The following SPATA6 variants were observed in gnomAD, a reference collection of about 807,000 sequenced individuals.
The protein encoded by SPATA6 is spermatogenesis associated 6, also known as spermatogenesis-associated protein 6.
SPATA6 carries 56 observed loss-of-function variants against 65.3 expected under a neutral mutation model. The ratio of observed to expected loss-of-function variants is 0.86; its 90% CI spans 0.69 to 1.07. The LOEUF (loss-of-function observed/expected upper bound fraction) is 1.07. SPATA6 is among the 50% of genes least tolerant of loss of function. The probability of loss-of-function intolerance (pLI) is 0.00; values close to 1 mark genes in which losing one functional copy is unlikely to be tolerated. For synonymous variants in SPATA6, 199 were observed against 213.2 expected, an observed-to-expected ratio of 0.93 and a Z score of 0.58; for missense variants, 590 against 594.8, an observed-to-expected ratio of 0.99 and a Z score of 0.08.
At position 48,472,185 on chromosome 1, in the gene SPATA6, G is replaced by A. The variant is rs1430048679; in HGVS notation, c.-177C>T. 1.8e-6 allele frequency: 1 copy of A among 544,206 alleles called. No individual in the cohort carries two copies. Among genetic ancestry groups the A allele is most frequent in the East Asian group, 3.5e-5 (1 of 28,806 alleles). The allele number at this position is 544,206 out of a possible 1,614,324, so 33.7% of individuals were successfully genotyped here. ...TCCGCCGGAGAAGCAGCTGAGCGCG[G>A]GGCGCAGACTCGTTGTCATGGCAGC... is the stretch of plus-strand genomic sequence containing the variant. On this transcript the variant is annotated 5_prime_UTR_variant, in exon 1 of 13. Transcript: ENST00000371847.
chr1:48,321,762 T>C (rs1313236218), intron 11 of SPATA6, among the ~76,000 whole-genome samples: 1 of 152,170 alleles, frequency 6.6e-6, no homozygotes, highest in African/African-American at 2.4e-5. Context: ...GTGAATCATA[T>C]GTCAGGCCCC....
chr1:48,386,815 C>G (rs2147872172), intron 8 of SPATA6, among the ~76,000 whole-genome samples: 1 of 152,310 alleles, frequency 6.6e-6, no homozygotes, highest in South Asian at 2.1e-4. Context: ...TTCCCTGACA[C>G]TTAAGTAGCT....
At chr1:48,428,309 C>T (rs1375413731) in intron 3 of SPATA6, among the ~76,000 whole-genome samples, 3 of 152,146 alleles carry the variant, frequency 2.0e-5, no homozygotes, top group Non-Finnish European at 4.4e-5. Flanking sequence ...ACAAAAATAG[C>T]TGGGCGTGGT....
At chr1:48,351,445 T>C (rs1646511959) in intron 11 of SPATA6, among the ~76,000 whole-genome samples, 1 of 152,066 alleles carries the variant, frequency 6.6e-6, no homozygotes, top group South Asian at 2.1e-4. Context: ...ATGTTAGCTA[T>C]AGGTTTTCAA....
rs1647072643 is a variant in SPATA6, at chr1:48,367,713, T to C, written c.910-7943A>G. On this transcript the variant is annotated intron_variant, in intron 9 of 12. Transcript: ENST00000371847. ...GTCTCTGCACATGAGATGGGTCTCC[T>C]GAGTACAGCACACTGATGGGTCTTG... 5.9e-5 allele frequency among the ~76,000 whole-genome samples: 9 copies of C among 152,322 alleles called. 1 individual carries two copies. The South Asian group carries it at 1.9e-3, about 32-fold the overall frequency.
chr1:48,415,979 G>T (rs1432046792), intron 3 of SPATA6, among the ~76,000 whole-genome samples: 2 of 152,124 alleles, frequency 1.3e-5, no homozygotes, highest in Non-Finnish European at 2.9e-5. Context: ...GAGGAGCGTG[G>T]ATTGCTTGAG....
intron 11 of SPATA6, among the ~76,000 whole-genome samples, chr1:48,339,589 G>A (rs748343925): frequency 1.4e-4 from 22 of 151,900 alleles, no homozygotes; most frequent in Non-Finnish European, 2.9e-4. Context: ...ATGAATCAAG[G>A]AGACATTTTA....
Position 48,400,709 on chromosome 1 carries a change from T to G in SPATA6, c.487-1065A>C, listed in dbSNP as rs1435812193. On this transcript the variant is annotated intron_variant, in intron 6 of 12. Coordinates refer to ENST00000371847, the MANE Select transcript of SPATA6 (RefSeq NM_019073.4). ...TTAAGTGGATACACAGAAAAGAAAATTAATTTTCCTAATTGGAAAAGTGAG... is the reference window on the plus strand; with the variant it reads ...TTAAGTGGATACACAGAAAAGAAAAGTAATTTTCCTAATTGGAAAAGTGAG... 5 of 1,144,946 alleles carry G rather than the reference T, an allele frequency of 4.4e-6. No homozygotes were observed. In the Admixed American group the frequency reaches 1.1e-4, roughly 26 times the overall value. The allele number at this position is 1,144,946 out of a possible 1,614,324, so 70.9% of individuals were successfully genotyped here.
chr1:48,376,832 C>A (rs1647973034), intron 9 of SPATA6, among the ~76,000 whole-genome samples: 1 of 152,102 alleles, frequency 6.6e-6, no homozygotes, highest in South Asian at 2.1e-4. Context: ...ACCTGTACAA[C>A]TTGTTACTGT....
intron 8 of SPATA6, among the ~76,000 whole-genome samples, chr1:48,388,646 C>CA (rs1164864918): frequency 2.2e-4 from 32 of 147,574 alleles, no homozygotes; most frequent in Admixed American, 1.2e-3. Flanking sequence ...ATATATATCA[C>CA]AAAAAAAAGA....
chr1:48,359,674 C>T lies in SPATA6; in HGVS notation c.1006G>A (p.Ala336Thr), dbSNP rs764624991. 2 of 1,613,804 alleles carry T rather than the reference C, an allele frequency of 1.2e-6. No individual in the cohort carries two copies. Among genetic ancestry groups the T allele is most frequent in the South Asian group, 2.2e-5 (2 of 91,066 alleles). The change falls in exon 10 of 13, where the codon GCG (alanine) becomes ACG (threonine). Residue 336 changes from alanine to threonine, a missense_variant. Ala to Thr is a moderately conservative substitution (Grantham distance 58). Transcript: ENST00000371847. ...PRSCSKPRHS[A>T]RTLLVHSAPS... Reference sequence around the variant, plus strand: ...GCTGAATGGACTAGCAAGGTCCTCGCTGAATGCCGGGGCTTACTACACGAC... The same window carrying T: ...GCTGAATGGACTAGCAAGGTCCTCGTTGAATGCCGGGGCTTACTACACGAC...
chr1:48,464,186 C>A (rs1657646258), intron 1 of SPATA6, among the ~76,000 whole-genome samples: 1 of 151,808 alleles, frequency 6.6e-6, no homozygotes, highest in Admixed American at 6.6e-5. Context: ...AGGATTTGGT[C>A]TAATGATGGT....
chr1:48,327,248 C>CTCAACA (rs1645790528), intron 11 of SPATA6, among the ~76,000 whole-genome samples: 2 of 152,090 alleles, frequency 1.3e-5, no homozygotes, highest in Admixed American at 6.5e-5. Flanking sequence ...CAAAAAAATG[C>CTCAACA]TCAACATCAC....
chr1:48,439,081 T>C (rs1239441433), intron 3 of SPATA6, among the ~76,000 whole-genome samples: 1 of 152,124 alleles, frequency 6.6e-6, no homozygotes, highest in Admixed American at 6.5e-5. Flanking sequence ...CTCCACTTCA[T>C]TTTTGGGGCA....
At chr1:48,322,012 G>A (rs1160583520) in intron 11 of SPATA6, among the ~76,000 whole-genome samples, 1 of 151,980 alleles carries the variant, frequency 6.6e-6, no homozygotes, top group African/African-American at 2.4e-5. Flanking sequence ...AGCAAAAGCA[G>A]TACTAAGAGG....
At chr1:48,445,529 AGG>A (rs1655949126) in intron 3 of SPATA6, among the ~76,000 whole-genome samples, 3 of 151,710 alleles carry the variant, frequency 2.0e-5, no homozygotes, top group Admixed American at 2.0e-4. Context: ...GCGTGGTGGC[AGG>A]CGCCTGTAGT....
chr1:48,446,279 G>A (rs556269039), intron 3 of SPATA6, among the ~76,000 whole-genome samples: 1 of 152,298 alleles, frequency 6.6e-6, no homozygotes, highest in East Asian at 1.9e-4. Flanking sequence ...GGTATATACT[G>A]AAAATCTGCC....
At chr1:48,308,504 T>C (rs758032574) in intron 11 of SPATA6, among the ~76,000 whole-genome samples, 2 of 152,144 alleles carry the variant, frequency 1.3e-5, no homozygotes, top group African/African-American at 2.4e-5. Context: ...AAACTGTATT[T>C]AGCCTATCTT....
chr1:48,321,851 A>T (rs927832921), intron 11 of SPATA6, among the ~76,000 whole-genome samples: 8 of 152,182 alleles, frequency 5.3e-5, no homozygotes, highest in Admixed American at 5.2e-4. Context: ...ATCAATAACA[A>T]GAGAAATTTT....
Sources: allele counts gnomAD v4.1 joint callset (sites outside exome capture counted in the v4.1 genomes callset), GRCh38; gene constraint gnomAD v4.1.1; transcripts MANE v1.5; gene names NCBI Gene and HGNC (gene_info 2026-07-23, HGNC 2026-07-21).